The following UBAC2 variants were observed in gnomAD, a reference collection of about 807,000 sequenced individuals.
The protein encoded by UBAC2 is ubiquitin-associated domain-containing protein 2.
UBAC2 carries 26 observed loss-of-function variants against 44.0 expected under a neutral mutation model. That is an observed-to-expected ratio of 0.59 (90% CI 0.43 to 0.82). The LOEUF is 0.82. UBAC2 is among the 40% of genes least tolerant of loss of function. The probability of loss-of-function intolerance (pLI) is 0.00; values close to 1 mark genes in which losing one functional copy is unlikely to be tolerated. For missense variants in UBAC2, 329 were observed against 419.4 expected (o/e 0.78, Z 1.88); for synonymous variants, 155 against 154.3 (o/e 1.00, Z -0.04).
At chr13:99,235,009 A>G (rs2142718448) in intron 1 of UBAC2, among the ~76,000 whole-genome samples, 1 of 152,302 alleles carries the variant, frequency 6.6e-6, no homozygotes, top group East Asian at 1.9e-4. Flanking sequence ...TAATTCTGTC[A>G]TACTTAATAT....
intron 6 of UBAC2, among the ~76,000 whole-genome samples, chr13:99,337,404 AC>A (rs1478864877): frequency 1.3e-5 from 2 of 151,700 alleles, no homozygotes; most frequent in Admixed American, 6.6e-5. Flanking sequence ...CAATTATCTT[AC>A]AGTTTTTCTT....
chr13:99,292,843 A>G (rs1006878717), intron 4 of UBAC2, among the ~76,000 whole-genome samples: 4 of 152,138 alleles, frequency 2.6e-5, no homozygotes, highest in Admixed American at 2.6e-4. Flanking sequence ...GAAAATACTT[A>G]TAGGGTTGTG....
intron 4 of UBAC2, among the ~76,000 whole-genome samples, chr13:99,251,237 A>G (rs547502175): frequency 6.6e-6 from 1 of 152,078 alleles, no homozygotes; most frequent in Admixed American, 6.5e-5. Context: ...GCATCCCGAA[A>G]CTCTAGTGAA....
intron 7 of UBAC2, among the ~76,000 whole-genome samples, chr13:99,363,342 C>CA (rs1255851895): frequency 6.6e-6 from 1 of 152,156 alleles, no homozygotes; most frequent in Non-Finnish European, 1.5e-5. Context: ...AGTCTAGTCC[C>CA]ACCAAAATAT....
chr13:99,222,014 C>T (rs2142687984), intron 1 of UBAC2, among the ~76,000 whole-genome samples: 1 of 152,222 alleles, frequency 6.6e-6, no homozygotes, highest in Admixed American at 6.5e-5. Flanking sequence ...TGATGTCTGC[C>T]TCATAGGGTT....
At chr13:99,209,049 G>A (rs1026905098) in intron 1 of UBAC2, among the ~76,000 whole-genome samples, 18 of 152,322 alleles carry the variant, frequency 1.2e-4, no homozygotes, top group African/African-American at 4.1e-4. Context: ...TGGCTCTCGC[G>A]CACAGCCTGG....
intron 5 of UBAC2, among the ~76,000 whole-genome samples, chr13:99,316,924 ATTCT>A (rs1222425090): frequency 6.6e-6 from 1 of 152,190 alleles, no homozygotes; most frequent in Non-Finnish European, 1.5e-5. Context: ...CTAGTCTGTT[ATTCT>A]TTCTATTTTT....
chr13:99,246,062 A>G (rs752367491), intron 4 of UBAC2, among the ~76,000 whole-genome samples: 7 of 152,248 alleles, frequency 4.6e-5, no homozygotes, highest in Non-Finnish European at 7.3e-5. Context: ...TTTGAGAACT[A>G]TTAAGCTACT....
chr13:99,320,913 A>C (rs1175785659), intron 6 of UBAC2, among the ~76,000 whole-genome samples: 1 of 152,232 alleles, frequency 6.6e-6, no homozygotes, highest in Non-Finnish European at 1.5e-5. Context: ...AGATCAAGTG[A>C]CTTCCCTTTT....
At chr13:99,287,549 G>T (rs2066573447) in intron 4 of UBAC2, among the ~76,000 whole-genome samples, 1 of 151,460 alleles carries the variant, frequency 6.6e-6, no homozygotes, top group Admixed American at 6.6e-5. Flanking sequence ...ACCAGCCTCA[G>T]TTCTTTCTGA....
At chr13:99,238,808 A>T (rs978284004) in intron 2 of UBAC2, among the ~76,000 whole-genome samples, 1 of 152,160 alleles carries the variant, frequency 6.6e-6, no homozygotes, top group African/African-American at 2.4e-5. Context: ...GAGAAGTGTA[A>T]TTTATAACTT....
At position 99,296,724 on chromosome 13, in the gene UBAC2, A is replaced by G. The variant is rs575787106; in HGVS notation, c.390-17373A>G. 2.0e-5 allele frequency among the ~76,000 whole-genome samples: 3 copies of G among 152,310 alleles called. No individual in the cohort carries two copies. In the South Asian group the frequency reaches 6.2e-4, roughly 32 times the overall value. Reference sequence around the variant, plus strand: ...AAAGTCTGAGAAATAGGCTTAGTCCATGTTAGGAACTGAAAGTTAGATTTT... The same window carrying G: ...AAAGTCTGAGAAATAGGCTTAGTCCGTGTTAGGAACTGAAAGTTAGATTTT... On this transcript the variant is annotated intron_variant, in intron 4 of 8. Coordinates refer to ENST00000403766, the MANE Select transcript of UBAC2 (RefSeq NM_001144072.2).
chr13:99,254,296 A>G (rs916431099), intron 4 of UBAC2, among the ~76,000 whole-genome samples: 2 of 152,222 alleles, frequency 1.3e-5, no homozygotes, highest in African/African-American at 2.4e-5. Context: ...TTTGGTGCAT[A>G]GTAGGCTCTC....
intron 7 of UBAC2, among the ~76,000 whole-genome samples, chr13:99,345,327 A>G (rs1763343528): frequency 6.6e-6 from 1 of 150,994 alleles, no homozygotes; most frequent in Non-Finnish European, 1.5e-5. Context: ...CAGTTATCTC[A>G]GAAAAATGTC....
At position 99,200,870 on chromosome 13, in the gene UBAC2, T is replaced by TC. The variant is rs1244749806; in HGVS notation, c.-34dup. 3.9e-6 allele frequency: 5 copies of TC among 1,288,988 alleles called. No homozygotes were observed. The highest frequency in any genetic ancestry group is 3.1e-5 in the African/African-American group (2 of 65,410). The allele number at this position is 1,288,988 out of a possible 1,614,324, so 79.8% of individuals were successfully genotyped here. ...CTGGGGCTCGCACTTCAGCTTCCCCTCCCCCGGCGCCCTCTGGGGCTCCGA... is the reference window on the plus strand; with the variant it reads ...CTGGGGCTCGCACTTCAGCTTCCCCTCCCCCCGGCGCCCTCTGGGGCTCCGA... On this transcript the variant is annotated 5_prime_UTR_variant, in exon 1 of 9. Coordinates refer to ENST00000403766, the MANE Select transcript of UBAC2 (RefSeq NM_001144072.2).
chr13:99,298,589 A>G (rs960171726), intron 4 of UBAC2, among the ~76,000 whole-genome samples: 3 of 152,186 alleles, frequency 2.0e-5, no homozygotes, highest in Non-Finnish European at 4.4e-5. Flanking sequence ...CTAGAAAAGA[A>G]CTGTTTGTCC....
intron 7 of UBAC2, among the ~76,000 whole-genome samples, chr13:99,349,633 CTG>C (rs1491174617): frequency 1.3e-5 from 2 of 152,150 alleles, no homozygotes; most frequent in East Asian, 1.9e-4. Flanking sequence ...GTAGCCGAAG[CTG>C]AGAGAGAGAA....
At chr13:99,201,556 G>T in intron 1 of UBAC2, 1 of 1,614,056 alleles carries the variant, frequency 6.2e-7, no homozygotes, top group Non-Finnish European at 8.5e-7. Context: ...GCGTGTTAGC[G>T]GTGGTCAGCA....
intron 5 of UBAC2, among the ~76,000 whole-genome samples, chr13:99,316,377 C>T (rs905185913): frequency 1.3e-5 from 2 of 152,064 alleles, no homozygotes; most frequent in African/African-American, 2.4e-5. Flanking sequence ...TTTGTCTCTC[C>T]CCACTACAAC....
Sources: gnomAD v4.1 joint callset for allele counts (sites outside exome capture counted in the v4.1 genomes callset) on GRCh38, gnomAD v4.1.1 for gene constraint, MANE v1.5 for transcripts, NCBI Gene and HGNC (gene_info 2026-07-23, HGNC 2026-07-21) for gene names.